The following PRDM16 variants were observed in gnomAD, a reference collection of about 807,000 sequenced individuals.
PRDM16 encodes histone-lysine N-methyltransferase PRDM16.
A neutral mutation model predicts 110.6 loss-of-function variants in PRDM16; 23 were observed. That is an observed-to-expected ratio of 0.21 (90% CI 0.15 to 0.29). The LOEUF (loss-of-function observed/expected upper bound fraction) is 0.29, where lower values mean the gene tolerates loss of function less well. Among genes scored for constraint, PRDM16 ranks in the 10% least tolerant of loss-of-function variants. The pLI is 1.00. For synonymous variants in PRDM16, 799 were observed against 781.8 expected (o/e 1.02, Z -0.37); for missense variants, 1,615 against 1,794.3 (o/e 0.90, Z 1.81).
chr1:3,143,211 G>A lies in PRDM16; in HGVS notation c.38-42914G>A, dbSNP rs77089952. Reference sequence around the variant, plus strand: ...CAGCCCCTCGGGGGCCGAGTGTTCCGGGCTCTGATTTTTGCTGGCTGAGAC... The same window carrying A: ...CAGCCCCTCGGGGGCCGAGTGTTCCAGGCTCTGATTTTTGCTGGCTGAGAC... On this transcript the variant is annotated intron_variant, in intron 1 of 16. Coordinates refer to ENST00000270722, the MANE Select transcript of PRDM16 (RefSeq NM_022114.4). The surrounding 1 kb of genome is among the most constrained non-coding windows in gnomAD (Gnocchi z 4.5). Among the ~76,000 whole-genome samples the A allele has an allele frequency of 6.4e-3, 974 of 152,252 alleles. 10 individuals carry two copies. The highest frequency in any genetic ancestry group is 0.021 in the African/African-American group (867 of 41,550).
At chr1:3,299,084 C>T (rs1168821945) in intron 3 of PRDM16, among the ~76,000 whole-genome samples, 1 of 152,260 alleles carries the variant, frequency 6.6e-6, no homozygotes, top group African/African-American at 2.4e-5. Flanking sequence ...AAGACACTGG[C>T]TCGGCCCTTG....
chr1:3,120,005 A>T (rs1643057918), intron 1 of PRDM16, among the ~76,000 whole-genome samples: 1 of 138,022 alleles, frequency 7.2e-6, no homozygotes. Context: ...TGCCTGCCCT[A>T]GCTTGGGAGC....
In PRDM16 at chr1:3,291,300, C is replaced by G. The variant is rs193061126; in HGVS notation, c.438+47163C>G. ...CAGAGAGGCCTGGGCATCACACACA[C>G]CTGCGCTCACAGTGGCCCCACCTGG... On this transcript the variant is annotated intron_variant, in intron 3 of 16. Transcript: ENST00000270722. Among the ~76,000 whole-genome samples the G allele has an allele frequency of 1.4e-4, 22 of 152,304 alleles. No individual in the cohort carries two copies. In the East Asian group the frequency reaches 3.9e-3, roughly 27 times the overall value.
chr1:3,409,172 CGT>C (rs1027672381), intron 8 of PRDM16, among the ~76,000 whole-genome samples: 78 of 141,372 alleles, frequency 5.5e-4, no homozygotes, highest in African/African-American at 1.9e-3. Flanking sequence ...AGTGTGGGCA[CGT>C]GAGTTGGTGC....
intron 3 of PRDM16, among the ~76,000 whole-genome samples, chr1:3,293,898 G>A (rs1057019872): frequency 5.9e-5 from 9 of 152,206 alleles, no homozygotes; most frequent in Admixed American, 4.6e-4. Context: ...AGGCACCCCC[G>A]TAATCCCAGC....
At chr1:3,235,862 G>A (rs1048588153) in intron 2 of PRDM16, among the ~76,000 whole-genome samples, 7 of 152,232 alleles carry the variant, frequency 4.6e-5, no homozygotes, top group African/African-American at 9.6e-5. Flanking sequence ...TGTGTGGGGC[G>A]GAGCTCTGAG....
At chr1:3,374,515 C>T (rs1037673178) in intron 3 of PRDM16, among the ~76,000 whole-genome samples, 1 of 152,232 alleles carries the variant, frequency 6.6e-6, no homozygotes, top group Non-Finnish European at 1.5e-5. Flanking sequence ...CCACCGGCCC[C>T]GCACAGCAGC....
chr1:3,149,005 G>A (rs192928613), intron 1 of PRDM16, among the ~76,000 whole-genome samples: 89 of 152,266 alleles, frequency 5.8e-4, no homozygotes, highest in African/African-American at 1.9e-3. Context: ...GGGGCCCTCC[G>A]GCTTTGGCCA....
At chr1:3,187,630 G>A (rs928653745) in intron 2 of PRDM16, among the ~76,000 whole-genome samples, 1 of 152,158 alleles carries the variant, frequency 6.6e-6, no homozygotes. Context: ...GAACACCGAC[G>A]GCCTGGGGAC....
chr1:3,329,965 C>G (rs2100485113), intron 3 of PRDM16, among the ~76,000 whole-genome samples: 1 of 152,350 alleles, frequency 6.6e-6, no homozygotes, highest in East Asian at 1.9e-4. Flanking sequence ...ACAGTTGTCT[C>G]TGGAAGGAGG....
intron 3 of PRDM16, among the ~76,000 whole-genome samples, chr1:3,365,119 T>C (rs758992485): frequency 2.0e-5 from 3 of 152,100 alleles, no homozygotes; most frequent in Non-Finnish European, 2.9e-5. Flanking sequence ...GCACTGTGGG[T>C]TCCTTTTGGG....
chr1:3,125,563 C>T (rs1453725380), intron 1 of PRDM16, among the ~76,000 whole-genome samples: 5 of 152,274 alleles, frequency 3.3e-5, no homozygotes, highest in East Asian at 1.9e-4. Flanking sequence ...CCCTGCCTGG[C>T]GCTCGCCAAG....
chr1:3,296,189 G>A lies in PRDM16; in HGVS notation c.438+52052G>A, dbSNP rs12129509. Among the ~76,000 whole-genome samples, 833 of 152,302 alleles carry A rather than the reference G, an allele frequency of 5.5e-3. 8 individuals carry two copies. The highest frequency in any genetic ancestry group is 5.9e-3 in the Non-Finnish European group (401 of 68,028). On this transcript the variant is annotated intron_variant, in intron 3 of 16. Coordinates refer to ENST00000270722, the MANE Select transcript of PRDM16 (RefSeq NM_022114.4). Reference sequence around the variant, plus strand: ...GGAGCGTCCTGGGGAAGTGGCTGTCGGCTTGGTTAATGGGTCCCTGCTGGC... The same window carrying A: ...GGAGCGTCCTGGGGAAGTGGCTGTCAGCTTGGTTAATGGGTCCCTGCTGGC...
intron 1 of PRDM16, among the ~76,000 whole-genome samples, chr1:3,167,190 G>A (rs1379785151): frequency 6.6e-6 from 1 of 152,190 alleles, no homozygotes; most frequent in East Asian, 1.9e-4. Flanking sequence ...GAGAAAAATA[G>A]AGGAGGAGGA....
chr1:3,161,060 G>A lies in PRDM16; in HGVS notation c.38-25065G>A, dbSNP rs559991613. 1.9e-4 allele frequency among the ~76,000 whole-genome samples: 29 copies of A among 152,310 alleles called. No individual in the cohort carries two copies. In the South Asian group the frequency reaches 5.2e-3, roughly 27 times the overall value. ...TCCACCAAACCCTCAGGCAGGAGCC[G>A]GGAGGGGACGTTTTGCTGCCCCCAC... On this transcript the variant is annotated intron_variant, in intron 1 of 16. Coordinates refer to ENST00000270722, the MANE Select transcript of PRDM16 (RefSeq NM_022114.4).
intron 1 of PRDM16, among the ~76,000 whole-genome samples, chr1:3,136,334 G>A (rs960435661): frequency 2.6e-5 from 4 of 152,158 alleles, no homozygotes; most frequent in Admixed American, 1.3e-4. Context: ...CCCGCTGTCC[G>A]GGGACCTCTG....
At chr1:3,176,306 A>ACC (rs1644088863) in intron 1 of PRDM16, among the ~76,000 whole-genome samples, 280 of 52,968 alleles carry the variant, frequency 5.3e-3, no homozygotes, top group Admixed American at 6.6e-3. Context: ...ATCTGTCCAT[A>ACC]CATCCATCTA....
At chr1:3,352,641 T>C (rs993254441) in intron 3 of PRDM16, among the ~76,000 whole-genome samples, 2 of 152,236 alleles carry the variant, frequency 1.3e-5, no homozygotes, top group Admixed American at 6.5e-5. Flanking sequence ...TCCCGAATAC[T>C]TGCGCTGGAA....
At chr1:3,181,692 G>GGTCTTACATATGGTCTTACACACGCA (rs1644198905) in intron 1 of PRDM16, among the ~76,000 whole-genome samples, 2 of 91,084 alleles carry the variant, frequency 2.2e-5, no homozygotes, top group African/African-American at 4.5e-5. Flanking sequence ...TCTTACACAC[G>GGTCTTACATATGGTCTTACACACGCA]GTCTTACACA....
Sources: gnomAD v4.1 joint callset for allele counts (sites outside exome capture counted in the v4.1 genomes callset) on GRCh38, gnomAD v4.1.1 for gene constraint, Gnocchi (gnomAD v3.1) non-coding constraint, MANE v1.5 for transcripts, NCBI Gene and HGNC (gene_info 2026-07-23, HGNC 2026-07-21) for gene names.